Variants in BCAT1 observed in about 807,000 individuals in gnomAD.
The protein encoded by BCAT1 is branched-chain-amino-acid aminotransferase, cytosolic.
BCAT1 carries 48 observed loss-of-function variants against 52.4 expected under a neutral mutation model. That is an observed-to-expected ratio of 0.92 (90% confidence interval 0.73 to 1.16). The LOEUF (loss-of-function observed/expected upper bound fraction) is 1.16, where lower values mean the gene tolerates loss of function less well. Ranked by LOEUF, BCAT1 falls within the 50% of genes most tolerant of loss-of-function variation. The probability of loss-of-function intolerance (pLI) is 0.00; values close to 1 mark genes in which losing one functional copy is unlikely to be tolerated. For missense variants in BCAT1, 451 were observed against 457.1 expected (o/e 0.99, Z 0.12); for synonymous variants, 167 against 161.3 (o/e 1.04, Z -0.27).
chr12:24,860,043 C>T, intron 5 of BCAT1, among the ~76,000 whole-genome samples: 1 of 152,168 alleles, frequency 6.6e-6, no homozygotes, highest in Non-Finnish European at 1.5e-5. Context: ...TTGTATGCCA[C>T]AGAAGTAACC....
chr12:24,915,118 CTT>C (rs934778406), intron 1 of BCAT1, among the ~76,000 whole-genome samples: 1 of 147,428 alleles, frequency 6.8e-6, no homozygotes. Context: ...CATGAAGGCT[CTT>C]TTTTTTTTGC....
At chr12:24,829,952 AC>A (rs1307283104) in intron 9 of BCAT1, 55 bp from the exon 10 acceptor site, 2 of 1,334,322 alleles carry the variant, frequency 1.5e-6, no homozygotes, top group African/African-American at 1.5e-5. Flanking sequence ...TATGGTGATA[AC>A]AGATAAGACA....
At chr12:24,883,015 G>A (rs573661955) in intron 3 of BCAT1, among the ~76,000 whole-genome samples, 9 of 152,210 alleles carry the variant, frequency 5.9e-5, no homozygotes, top group African/African-American at 2.2e-4. Flanking sequence ...GGCTGGGTGT[G>A]ATGGCTCACG....
Position 24,894,746 on chromosome 12 carries a change from A to T in BCAT1, c.79-271T>A, listed in dbSNP as rs371803204. On this transcript the variant is annotated intron_variant, in intron 2 of 10. Coordinates refer to ENST00000261192, the MANE Select transcript of BCAT1 (RefSeq NM_005504.7). Reference sequence around the variant, plus strand: ...GGGACAAAATAGCAGATGGGGTAAGATGATGCAAAAAAAGAATACAACCCT... The same window carrying T: ...GGGACAAAATAGCAGATGGGGTAAGTTGATGCAAAAAAAGAATACAACCCT... 3.3e-5 allele frequency among the ~76,000 whole-genome samples: 5 copies of T among 152,334 alleles called. No homozygotes were observed. The South Asian group carries it at 8.3e-4, about 25-fold the overall frequency.
intron 3 of BCAT1, among the ~76,000 whole-genome samples, chr12:24,882,107 T>C (rs1942521984): frequency 6.6e-6 from 1 of 152,190 alleles, no homozygotes; most frequent in South Asian, 2.1e-4. Flanking sequence ...TAAACCTTAG[T>C]AAAGATATGC....
At chr12:24,920,452 A>G (rs1943484897) in intron 1 of BCAT1, among the ~76,000 whole-genome samples, 1 of 151,956 alleles carries the variant, frequency 6.6e-6, no homozygotes. Flanking sequence ...TTTTATTTTC[A>G]TTTTTTATTT....
intron 7 of BCAT1, among the ~76,000 whole-genome samples, chr12:24,837,231 T>C (rs541448082): frequency 2.6e-4 from 39 of 148,172 alleles, no homozygotes; most frequent in African/African-American, 9.3e-4. Flanking sequence ...AGTTATTGCA[T>C]GGTCTTAAGA....
At chr12:24,877,518 T>C (rs1942380621) in intron 5 of BCAT1, among the ~76,000 whole-genome samples, 1 of 152,188 alleles carries the variant, frequency 6.6e-6, no homozygotes. Flanking sequence ...CAGGAAATCA[T>C]AAGGTCATGT....
chr12:24,878,556 T>A lies in BCAT1; in HGVS notation c.484A>T (p.Ile162Phe), dbSNP rs755246179. Residue 162 changes from isoleucine (I) to phenylalanine (F), a missense_variant, in exon 5 of 11, where the codon ATT (isoleucine) becomes TTT (phenylalanine). Physicochemically the swap from Ile to Phe is conservative, Grantham distance 21. Transcript: ENST00000261192. ...VPYSTSASLY[I>F]RPTFIGTEPS... is the part of the protein sequence containing the mutation. ...TCAGTTCCAATGAATGTAGGACGAA[T>A]ATACAGACTAGCAGATGTTGAATAT... is the stretch of plus-strand genomic sequence containing the variant. The A allele has an allele frequency of 1.2e-5, 20 of 1,612,280 alleles. No homozygotes were observed. The highest frequency in any genetic ancestry group is 1.7e-5 in the Non-Finnish European group (20 of 1,179,040).
At chr12:24,905,236 G>T (rs1230535553) in intron 1 of BCAT1, among the ~76,000 whole-genome samples, 1 of 152,162 alleles carries the variant, frequency 6.6e-6, no homozygotes, top group Admixed American at 6.5e-5. Flanking sequence ...AAGCCTGACT[G>T]TCATACAGGT....
intron 1 of BCAT1, among the ~76,000 whole-genome samples, chr12:24,917,889 A>T (rs1323062332): frequency 6.6e-6 from 1 of 152,230 alleles, no homozygotes; most frequent in Non-Finnish European, 1.5e-5. Flanking sequence ...ACAAGCTGCC[A>T]TCTCAAGAAC....
At chr12:24,904,899 G>T (rs1348526960) in intron 1 of BCAT1, among the ~76,000 whole-genome samples, 2 of 152,208 alleles carry the variant, frequency 1.3e-5, no homozygotes, top group Admixed American at 1.3e-4. Context: ...TATAACAAGT[G>T]CTGCCTGTGC....
chr12:24,894,607 C>T lies in BCAT1; in HGVS notation c.79-132G>A, dbSNP rs534398039. 9.0e-4 allele frequency: 687 copies of T among 760,738 alleles called. 5 individuals are homozygous for T. The highest frequency in any genetic ancestry group is 1.3e-3 in the Middle Eastern group (5 of 3,764). 47.1% of individuals were successfully genotyped at this position (760,738 alleles called of 1,614,324 possible). A position where few individuals can be genotyped will look rare whatever the true frequency, so the allele number is the denominator to read the frequency against. On this transcript the variant is annotated intron_variant, in intron 2 of 10. Transcript: ENST00000261192. ...TAGCAGCTAACACAGAAATTTAACA[C>T]TCTGAGCTGAACAAATCATGCCTGC...
intron 9 of BCAT1, chr12:24,830,141 T>C: frequency 2.8e-6 from 1 of 359,014 alleles, no homozygotes; most frequent in East Asian, 4.3e-5. Context: ...AGGGCATAAC[T>C]GGTTTGTATA....
chr12:24,847,740 C>T (rs73079556), intron 6 of BCAT1, among the ~76,000 whole-genome samples: 2,050 of 152,288 alleles, frequency 0.013, 16 homozygotes, highest in Non-Finnish European at 0.022. Flanking sequence ...AGCTTGGCTG[C>T]ATGCTAAAGA....
intron 1 of BCAT1, among the ~76,000 whole-genome samples, chr12:24,921,945 T>C (rs1943505113): frequency 6.6e-6 from 1 of 152,148 alleles, no homozygotes; most frequent in Admixed American, 6.6e-5. Flanking sequence ...CCAAAGGACT[T>C]CGTCGTTAGA....
intron 7 of BCAT1, among the ~76,000 whole-genome samples, chr12:24,836,823 A>AAGGAAGGAAGAAAGAAAG (rs1555102766): frequency 8.7e-6 from 1 of 114,364 alleles, no homozygotes; most frequent in Non-Finnish European, 1.8e-5. Context: ...GGAAGGAAAG[A>AAGGAAGGAAGAAAGAAAG]AGGAAGGAAG....
chr12:24,835,677 T>A (rs1173113270), intron 8 of BCAT1, among the ~76,000 whole-genome samples: 1 of 152,058 alleles, frequency 6.6e-6, no homozygotes, highest in Non-Finnish European at 1.5e-5. Flanking sequence ...GACCTTGACC[T>A]CCAGATCTTA....
In BCAT1 at chr12:24,901,889, A is replaced by G; in HGVS notation, c.7-4T>C. On this transcript the variant is annotated splice_region_variant and splice_polypyrimidine_tract_variant and intron_variant, in intron 1 of 10. Transcript: ENST00000261192. ...CGGAGCATCCGTTACTGCAATCCTT[A>G]AAGAAGAATTAAACCACCATTAAGT... 6.2e-7 allele frequency: 1 copy of G among 1,613,506 alleles called. No individual in the cohort carries two copies. The highest frequency in any genetic ancestry group is 8.5e-7 in the Non-Finnish European group (1 of 1,179,496).
Sources: allele counts gnomAD v4.1 joint callset (sites outside exome capture counted in the v4.1 genomes callset), GRCh38; gene constraint gnomAD v4.1.1; transcripts MANE v1.5; gene names NCBI Gene and HGNC (gene_info 2026-07-23, HGNC 2026-07-21).